NOTCH2: variants seen among roughly 807,000 people sequenced by gnomAD.
NOTCH2 encodes the protein notch receptor 2.
Under a neutral mutation model 235.8 loss-of-function variants are expected in NOTCH2, and 29 were observed. The ratio of observed to expected loss-of-function variants is 0.12; its 90% CI spans 0.09 to 0.17. The LOEUF (loss-of-function observed/expected upper bound fraction) is 0.17. Ranked by LOEUF, NOTCH2 falls within the 10% of genes least tolerant of loss-of-function variation. The probability of loss-of-function intolerance (pLI) is 1.00; values close to 1 mark genes in which losing one functional copy is unlikely to be tolerated. For missense variants in NOTCH2, 2,285 were observed against 3,150.2 expected, an observed-to-expected ratio of 0.73 and a Z score of 6.57; for synonymous variants, 1,086 against 1,141.5, an observed-to-expected ratio of 0.95 and a Z score of 0.98.
intron 5 of NOTCH2, among the ~76,000 whole-genome samples, chr1:119,984,785 T>C (rs1387851606): frequency 6.6e-6 from 1 of 152,104 alleles, no homozygotes; most frequent in Non-Finnish European, 1.5e-5. Flanking sequence ...ATCAAGCATA[T>C]AATAATATCA....
At chr1:119,951,226 A>C (rs1036116578) in intron 14 of NOTCH2, among the ~76,000 whole-genome samples, 3 of 152,152 alleles carry the variant, frequency 2.0e-5, no homozygotes, top group Non-Finnish European at 2.9e-5. Flanking sequence ...ATCATGGCTC[A>C]CTGCAGCCTC....
At chr1:119,993,278 CA>C (rs1249557381) in intron 4 of NOTCH2, 1 of 43,016 alleles carries the variant, frequency 2.3e-5, no homozygotes, top group Non-Finnish European at 4.8e-5. Context: ...GTTACTTATC[CA>C]AAAAGATGAG....
intron 18 of NOTCH2, among the ~76,000 whole-genome samples, chr1:119,941,105 T>C (rs909272400): frequency 1.3e-5 from 2 of 152,214 alleles, no homozygotes; most frequent in Admixed American, 1.3e-4. Context: ...TCACTATAGA[T>C]TATTTATAAA....
chr1:119,940,629 C>T lies in NOTCH2; in HGVS notation c.3109G>A (p.Glu1037Lys), dbSNP rs782463588. 34 of 1,613,976 alleles carry T rather than the reference C, an allele frequency of 2.1e-5. No homozygotes were observed. In the Admixed American group the frequency reaches 5.0e-4, roughly 24 times the overall value. ...CCCAGGCCATCAACACACGTTCCCT[C>T]ATTCAGGCATGGATGAGAGCTGCAT... is the stretch of plus-strand genomic sequence containing the variant. ...NECSSHPCLN[E>K]GTCVDGLGTY... The change falls in exon 19 of 34, where the codon GAG becomes AAG. Residue 1037 changes from glutamate (E) to lysine (K), a missense_variant. This residue lies in a region of NOTCH2 where 1,173 missense variants were observed against 1,515.3 expected (regional missense o/e 0.77). Coordinates refer to ENST00000256646, the MANE Select transcript of NOTCH2 (RefSeq NM_024408.4).
intron 1 of NOTCH2, among the ~76,000 whole-genome samples, chr1:120,049,281 C>G (rs1319272555): frequency 1.7e-5 from 2 of 117,734 alleles, no homozygotes; most frequent in Non-Finnish European, 3.4e-5. Flanking sequence ...ATCCAAACAC[C>G]TTGAGATTGT....
At position 119,919,516 on chromosome 1, in the gene NOTCH2, G is replaced by A; in HGVS notation, c.5577C>T (p.Ile1859=). The A allele has an allele frequency of 1.2e-6, 2 of 1,614,002 alleles. No homozygotes were observed. Among genetic ancestry groups the A allele is most frequent in the Admixed American group, 1.7e-5 (1 of 60,036 alleles). Residue 1859 remains isoleucine (I), a synonymous_variant, in exon 31 of 34, where the codon ATC becomes ATT. Transcript: ENST00000256646. Reference sequence around the variant, plus strand: ...TGGCACCCTGGTAGACCAAGTCTGTGATGATGTTAGCAGAAGAGTCCTCTG... The same window carrying A: ...TGGCACCCTGGTAGACCAAGTCTGTAATGATGTTAGCAGAAGAGTCCTCTG... The part of the protein sequence containing the change: ...EDAEDSSANI[I]TDLVYQGASL...
rs745912880 is a variant in NOTCH2 at position 119,969,493 on chromosome 1, C to T, written c.1108+18G>A. On this transcript the variant is annotated intron_variant, in intron 6 of 33. Coordinates refer to ENST00000256646, the MANE Select transcript of NOTCH2 (RefSeq NM_024408.4). ...CCTGCCCCTTCCCTGTTTCTAGATC[C>T]GTCCTTCTGCTACCTACCTGCCTTC... 1.9e-5 allele frequency: 30 copies of T among 1,609,250 alleles called. No individual in the cohort carries two copies. The highest frequency in any genetic ancestry group is 1.3e-4 in the East Asian group (6 of 44,636).
chr1:119,981,735 G>A (rs929577857), intron 5 of NOTCH2, among the ~76,000 whole-genome samples: 7 of 152,174 alleles, frequency 4.6e-5, no homozygotes, highest in African/African-American at 9.7e-5. Context: ...CTGCCCAACT[G>A]ATAGGAAACC....
chr1:120,063,320 C>T (rs1229136879), intron 1 of NOTCH2, among the ~76,000 whole-genome samples: 6 of 151,948 alleles, frequency 3.9e-5, no homozygotes, highest in East Asian at 1.9e-4. Context: ...GGGAAACTGC[C>T]GACACCAAAT....
At chr1:119,923,509 T>C in intron 26 of NOTCH2, 128 bp downstream of exon 26, 1 of 840,942 alleles carries the variant, frequency 1.2e-6, no homozygotes, top group East Asian at 2.5e-5. Flanking sequence ...AACGGGTTTA[T>C]CTTAAGTGGT....
At chr1:120,047,616 G>A (rs1260092502) in intron 1 of NOTCH2, among the ~76,000 whole-genome samples, 4 of 137,890 alleles carry the variant, frequency 2.9e-5, no homozygotes, top group African/African-American at 1.1e-4. Context: ...CCTGGGAGGT[G>A]GAGGTTGTGG....
chr1:119,921,906 T>C (rs1649296573), intron 28 of NOTCH2, 97 bp from the exon 29 acceptor site: 4 of 1,080,844 alleles, frequency 3.7e-6, no homozygotes, highest in Non-Finnish European at 2.8e-6. Flanking sequence ...CGTGGCTATA[T>C]TACAATTTTG....
chr1:119,934,605 C>T (rs1206125335), intron 22 of NOTCH2, among the ~76,000 whole-genome samples: 3 of 152,198 alleles, frequency 2.0e-5, no homozygotes, highest in African/African-American at 4.8e-5. Flanking sequence ...GGGTACTCTC[C>T]TATTTTAATT....
Position 120,069,586 on chromosome 1 carries a change from CGCCGCTCCTCG to C in NOTCH2, c.-191_-181del, listed in dbSNP as rs1655689552. 5 of 1,406,366 alleles carry C rather than the reference CGCCGCTCCTCG, an allele frequency of 3.6e-6. No individual in the cohort carries two copies. Among genetic ancestry groups the C allele is most frequent in the African/African-American group, 3.0e-5 (2 of 65,666 alleles). 87.1% of individuals were successfully genotyped at this position (1,406,366 alleles called of 1,614,324 possible). On this transcript the variant is annotated 5_prime_UTR_variant, in exon 1 of 34. Transcript: ENST00000256646. ...GCCTCGACTCCCCGCGCCCCGAGTC[CGCCGCTCCTCG>C]GCCGCCGCCTCAGCCGCCGCCCGAA...
intron 28 of NOTCH2, 123 bp from the exon 29 acceptor site, chr1:119,921,932 G>A: frequency 1.2e-6 from 1 of 839,684 alleles, no homozygotes; most frequent in Non-Finnish European, 2.0e-6. Flanking sequence ...TCTTGGCCCA[G>A]AGAAGATGGG....
Position 119,917,686 on chromosome 1 carries a change from G to T in NOTCH2, c.6006C>A (p.Asn2002Lys). 6.2e-7 allele frequency: 1 copy of T among 1,613,116 alleles called. No individual in the cohort carries two copies. Among genetic ancestry groups the T allele is most frequent in the Non-Finnish European group, 8.5e-7 (1 of 1,179,284 alleles). ...GTACCTTGTTGTCCTGCATGTCTCG[G>T]TTGGCCCCATTTTTCAACAACAAAA... is the stretch of plus-strand genomic sequence containing the variant. Reference protein sequence around the residue: ...ATLLLLKNGANRDMQDNKEET... With the variant: ...ATLLLLKNGAKRDMQDNKEET... The change falls in exon 33 of 34, where the codon AAC becomes AAA. Residue 2002 changes from asparagine to lysine, a missense_variant. Asn to Lys is a moderately conservative substitution (Grantham distance 94, BLOSUM62 0). Coordinates refer to ENST00000256646, the MANE Select transcript of NOTCH2 (RefSeq NM_024408.4).
chr1:119,987,722 C>T (rs1652074509), intron 4 of NOTCH2, among the ~76,000 whole-genome samples: 1 of 152,104 alleles, frequency 6.6e-6, no homozygotes, highest in South Asian at 2.1e-4. Flanking sequence ...ATTATAAGTG[C>T]CACATCATGA....
intron 25 of NOTCH2, among the ~76,000 whole-genome samples, chr1:119,924,499 T>C (rs1301965811): frequency 6.6e-6 from 1 of 152,184 alleles, no homozygotes; most frequent in Non-Finnish European, 1.5e-5. Flanking sequence ...GGCAGATGGG[T>C]ATGTCCTTAT....
intron 5 of NOTCH2, among the ~76,000 whole-genome samples, chr1:119,979,172 A>G (rs767454485): frequency 1.3e-4 from 20 of 152,338 alleles, no homozygotes; most frequent in African/African-American, 4.6e-4. Flanking sequence ...AATATAAGTC[A>G]GTGTTATAAA....
Sources: gnomAD v4.1 joint callset for allele counts (sites outside exome capture counted in the v4.1 genomes callset) on GRCh38, gnomAD v4.1.1 for gene constraint, gnomAD v4.1.1 regional missense constraint, MANE v1.5 for transcripts, NCBI Gene and HGNC (gene_info 2026-07-23, HGNC 2026-07-21) for gene names.